ARFGEF1: variants seen among roughly 807,000 people sequenced by gnomAD.
ARFGEF1 encodes the protein brefeldin A-inhibited guanine nucleotide-exchange protein 1.
Under a neutral mutation model 231.0 loss-of-function variants are expected in ARFGEF1, and 42 were observed. The observed-to-expected ratio is 0.18, with a 90% CI of 0.14 to 0.24. ARFGEF1 has a LOEUF of 0.24. ARFGEF1 is among the 10% of genes least tolerant of loss of function. The pLI, the probability that ARFGEF1 is intolerant of heterozygous loss-of-function variation, is 1.00. For synonymous variants in ARFGEF1, 710 were observed against 732.3 expected (o/e 0.97, Z 0.49); for missense variants, 1,345 against 2,192.0 (o/e 0.61, Z 7.72).
chr8:67,261,392 G>C (rs747373210), intron 14 of ARFGEF1, among the ~76,000 whole-genome samples: 14 of 152,118 alleles, frequency 9.2e-5, no homozygotes, highest in Non-Finnish European at 2.1e-4. Flanking sequence ...AAAGATCCCA[G>C]GGTCCTTAAG....
intron 1 of ARFGEF1, among the ~76,000 whole-genome samples, chr8:67,337,952 T>G (rs1808423970): frequency 6.6e-6 from 1 of 152,204 alleles, no homozygotes; most frequent in Non-Finnish European, 1.5e-5. Context: ...AATATATACC[T>G]AGTTCGGAAT....
intron 7 of ARFGEF1, among the ~76,000 whole-genome samples, chr8:67,287,172 T>C (rs1355415359): frequency 6.6e-6 from 1 of 152,184 alleles, no homozygotes; most frequent in Non-Finnish European, 1.5e-5. Context: ...CTGATAAAAG[T>C]GACTCACTGT....
At chr8:67,220,031 G>A (rs540661951) in intron 29 of ARFGEF1, among the ~76,000 whole-genome samples, 10 of 152,172 alleles carry the variant, frequency 6.6e-5, no homozygotes, top group Non-Finnish European at 1.3e-4. Context: ...TAAACAAAAG[G>A]ATTTACAAAA....
At chr8:67,341,535 G>A (rs541088939) in intron 1 of ARFGEF1, among the ~76,000 whole-genome samples, 110 of 151,896 alleles carry the variant, frequency 7.2e-4, no homozygotes, top group Non-Finnish European at 1.4e-3. Flanking sequence ...AGTTTGAGGC[G>A]GCACTGAGCA....
At position 67,252,290 on chromosome 8, in the gene ARFGEF1, A is replaced by G. The variant is rs1840313357; in HGVS notation, c.2699-840T>C. 2.0e-5 allele frequency among the ~76,000 whole-genome samples: 3 copies of G among 149,562 alleles called. No homozygotes were observed. The South Asian group carries it at 6.3e-4, about 31-fold the overall frequency. Reference sequence around the variant, plus strand: ...GCAACAAAACTCCATCTCAAAAAAAAAAAAAAAAAAAAAAAAAAAGAGGCA... The same window carrying G: ...GCAACAAAACTCCATCTCAAAAAAAGAAAAAAAAAAAAAAAAAAAGAGGCA... On this transcript the variant is annotated intron_variant, in intron 18 of 38. Transcript: ENST00000262215.
At chr8:67,251,201 GTGTTA>G (rs1258483130) in intron 19 of ARFGEF1, 93 bp downstream of exon 19, 1 of 1,126,764 alleles carries the variant, frequency 8.9e-7, no homozygotes, top group Non-Finnish European at 1.2e-6. Flanking sequence ...CTACACTAAT[GTGTTA>G]TATCACTGTA....
downstream of ARFGEF1, among the ~76,000 whole-genome samples, chr8:67,194,677 C>A (rs1480915423): frequency 3.4e-5 from 5 of 147,170 alleles, no homozygotes; most frequent in Non-Finnish European, 6.0e-5. Flanking sequence ...CCTTCACAGA[C>A]CAGGAGAATT....
At chr8:67,181,417 C>T (rs979034281) in intron 5 of ARFGEF1, among the ~76,000 whole-genome samples, 4 of 148,714 alleles carry the variant, frequency 2.7e-5, no homozygotes, top group African/African-American at 9.9e-5. Context: ...AAGATAAAAC[C>T]AGCAGGAGAC....
chr8:67,273,430 A>ATTTTTTTTTTTGGG (rs1805184532), intron 9 of ARFGEF1, among the ~76,000 whole-genome samples: 2 of 141,656 alleles, frequency 1.4e-5, no homozygotes, highest in Non-Finnish European at 3.2e-5. Flanking sequence ...AAAAAAAAAA[A>ATTTTTTTTTTTGGG]AAAAAAAAAA....
At chr8:67,323,982 T>C (rs982585160) in intron 1 of ARFGEF1, among the ~76,000 whole-genome samples, 8 of 152,108 alleles carry the variant, frequency 5.3e-5, no homozygotes, top group African/African-American at 1.7e-4. Context: ...TTTGTATTTT[T>C]ACTAGAGACG....
At chr8:67,343,100 C>CCCA in intron 1 of ARFGEF1, 64 bp downstream of exon 1, 2 of 564,022 alleles carry the variant, frequency 3.5e-6, no homozygotes, top group Non-Finnish European at 5.5e-6. Flanking sequence ...CCCACCCCCC[C>CCCA]ACAGGCGCCC....
chr8:67,205,754 A>T (rs1170708423), intron 34 of ARFGEF1, among the ~76,000 whole-genome samples: 1 of 152,124 alleles, frequency 6.6e-6, no homozygotes, highest in Non-Finnish European at 1.5e-5. Context: ...GCTACTCTGG[A>T]GGCTGAAGCA....
At chr8:67,297,728 C>T (rs1305202950) in intron 4 of ARFGEF1, among the ~76,000 whole-genome samples, 1 of 151,962 alleles carries the variant, frequency 6.6e-6, no homozygotes, top group Non-Finnish European at 1.5e-5. Context: ...TATGCAGGGT[C>T]AGCATTAATG....
chr8:67,230,859 C>A (rs1839530924), intron 23 of ARFGEF1, among the ~76,000 whole-genome samples: 1 of 152,008 alleles, frequency 6.6e-6, no homozygotes, highest in African/African-American at 2.4e-5. Flanking sequence ...CAATATTCTT[C>A]TCCTATATTC....
chr8:67,343,234 C>T lies in ARFGEF1; in HGVS notation c.54G>A (p.Lys18=), dbSNP rs777072304. The T allele has an allele frequency of 1.2e-6, 2 of 1,613,774 alleles. No individual in the cohort carries two copies. Among genetic ancestry groups the T allele is most frequent in the Non-Finnish European group, 1.7e-6 (2 of 1,179,760 alleles). The part of the protein sequence containing the change: ...KNMFLTRALE[K]ILADKEVKKA... ...TCTTCACTTCCTTGTCGGCCAATAT[C>T]TTCTCCAGAGCCCGGGTCAGGAACA... Residue 18 remains lysine (K), a synonymous_variant, in exon 1 of 39, where the codon AAG becomes AAA. Transcript: ENST00000262215.
At chr8:67,202,791 T>C (rs1838378668) in intron 36 of ARFGEF1, among the ~76,000 whole-genome samples, 1 of 152,146 alleles carries the variant, frequency 6.6e-6, no homozygotes, top group African/African-American at 2.4e-5. Flanking sequence ...AAGACAGCTT[T>C]TGTCATGCCA....
At chr8:67,292,952 C>T (rs13267015) in intron 5 of ARFGEF1, among the ~76,000 whole-genome samples, 44,039 of 151,720 alleles carry the variant, frequency 0.29, 6,532 homozygotes, top group East Asian at 0.38. Flanking sequence ...CAGAATTACA[C>T]GAATTTATAA....
At chr8:67,277,129 T>G (rs1219532253) in intron 8 of ARFGEF1, among the ~76,000 whole-genome samples, 153 bp downstream of exon 8, 1 of 151,808 alleles carries the variant, frequency 6.6e-6, no homozygotes, top group East Asian at 1.9e-4. Flanking sequence ...TTTATATAAA[T>G]GAAGGAAAAA....
chr8:67,296,080 G>C lies in ARFGEF1; in HGVS notation c.639+351C>G, dbSNP rs1197860271. Among the ~76,000 whole-genome samples, 3 of 152,062 alleles carry C rather than the reference G, an allele frequency of 2.0e-5. No individual in the cohort carries two copies. The East Asian group carries it at 5.8e-4, about 29-fold the overall frequency. On this transcript the variant is annotated intron_variant, in intron 5 of 38. Transcript: ENST00000262215. The stretch of plus-strand genomic sequence containing the variant: ...GAAATATACTTTTTTAAGGCTTAAT[G>C]AATAATTTTATTTCAGATTAGATTA...
Sources: gnomAD v4.1 joint callset for allele counts (sites outside exome capture counted in the v4.1 genomes callset) on GRCh38, gnomAD v4.1.1 for gene constraint, MANE v1.5 for transcripts, NCBI Gene and HGNC (gene_info 2026-07-23, HGNC 2026-07-21) for gene names.